Variants in BPIFB4 observed in about 807,000 individuals in gnomAD.
BPIFB4 encodes the protein BPI fold-containing family B member 4.
A neutral mutation model predicts 69.2 loss-of-function variants in BPIFB4; 62 were observed. The observed-to-expected ratio is 0.90, with a 90% CI of 0.73 to 1.11. The LOEUF (loss-of-function observed/expected upper bound fraction) is 1.11. BPIFB4 is among the 50% of genes least tolerant of loss of function. The probability of loss-of-function intolerance (pLI) is 0.00; values close to 1 mark genes in which losing one functional copy is unlikely to be tolerated. For synonymous variants in BPIFB4, 330 were observed against 332.7 expected (o/e 0.99, Z 0.09); for missense variants, 789 against 792.0 (o/e 1.00, Z 0.04).
intron 17 of BPIFB4, 144 bp from the exon 18 acceptor site, chr20:33,111,270 G>T: frequency 9.9e-7 from 1 of 1,006,020 alleles, no homozygotes; most frequent in Non-Finnish European, 1.5e-6. Flanking sequence ...GGTGCTCCTC[G>T]GGCCTGCATG....
At chr20:33,107,214 G>T (rs1306821587) in intron 16 of BPIFB4, among the ~76,000 whole-genome samples, 1 of 118,758 alleles carries the variant, frequency 8.4e-6, no homozygotes, top group Non-Finnish European at 1.9e-5. Flanking sequence ...AAAAAAAAAT[G>T]AAAGAAAGAA....
chr20:33,103,952 A>G (rs1489081468), intron 15 of BPIFB4, among the ~76,000 whole-genome samples: 5 of 152,260 alleles, frequency 3.3e-5, no homozygotes, highest in African/African-American at 1.2e-4. Context: ...TAGGCACTGA[A>G]TTATGCTTTT....
chr20:33,083,451 A>G lies in BPIFB4; in HGVS notation c.254A>G (p.Tyr85Cys). The G allele has an allele frequency of 6.2e-7, 1 of 1,613,806 alleles. No homozygotes were observed. The highest frequency in any genetic ancestry group is 8.5e-7 in the Non-Finnish European group (1 of 1,179,918). ...YTNGKKLDGI[Y>C]QYGHIETNDN... ...AACGGCAAAAAACTTGATGGTATTT[A>G]CCAGTATGGTCACATTGAGACCAAC... is the stretch of plus-strand genomic sequence containing the variant. The change falls in exon 5 of 18, where the codon TAC becomes TGC. Residue 85 changes from tyrosine to cysteine, a missense_variant. Around this residue, in one of 3 missense-constraint regions of BPIFB4, gnomAD observed 611 missense variants for 575.4 expected, o/e 1.06. Coordinates refer to ENST00000375483, the MANE Select transcript of BPIFB4 (RefSeq NM_182519.3).
intron 11 of BPIFB4, 126 bp from the exon 12 acceptor site, chr20:33,094,974 G>T: frequency 1.1e-6 from 1 of 913,420 alleles, no homozygotes; most frequent in Non-Finnish European, 1.8e-6. Flanking sequence ...GGGTCTTTCA[G>T]GGAGAGAAGA....
chr20:33,103,041 C>A, intron 15 of BPIFB4, 27 bp downstream of exon 15: 1 of 1,609,100 alleles, frequency 6.2e-7, no homozygotes, highest in African/African-American at 1.3e-5. Context: ...GTTCCCAGGG[C>A]AAGATCTTCT....
At chr20:33,087,991 C>T (rs933100690) in intron 7 of BPIFB4, among the ~76,000 whole-genome samples, 1 of 152,090 alleles carries the variant, frequency 6.6e-6, no homozygotes, top group Non-Finnish European at 1.5e-5. Context: ...AGGCAGGGTT[C>T]GGTGGCGAGG....
intron 12 of BPIFB4, among the ~76,000 whole-genome samples, chr20:33,097,110 A>G (rs1981777278): frequency 6.6e-6 from 1 of 152,070 alleles, no homozygotes; most frequent in Admixed American, 6.5e-5. Flanking sequence ...TCATTTCAGG[A>G]ACAGTGTTCA....
At position 33,084,944 on chromosome 20, in the gene BPIFB4, G is replaced by T; in HGVS notation, c.730G>T (p.Gly244Cys). ...TCGGGTGTCCGTGCGGCTCCTGCCC[G>T]GCGTGGGTGTCTACCTGAGCTTGTA... ...LPRVSVRLLP[G>C]VGVYLSLYTR... is the part of the protein sequence containing the mutation. The change falls in exon 6 of 18, where the codon GGC becomes TGC. Residue 244 changes from glycine (G) to cysteine (C), a missense_variant. Physicochemically the swap from Gly to Cys is radical, Grantham distance 159. Transcript: ENST00000375483. The T allele has an allele frequency of 6.2e-7, 1 of 1,611,598 alleles. No individual in the cohort carries two copies.
At chr20:33,103,626 C>A (rs1038544435) in intron 15 of BPIFB4, among the ~76,000 whole-genome samples, 3 of 30,188 alleles carry the variant, frequency 9.9e-5, no homozygotes, top group South Asian at 7.6e-4. Context: ...TCCTCCCCAC[C>A]CCCCCACCTC....
chr20:33,083,999 T>G, intron 5 of BPIFB4, 125 bp downstream of exon 5: 1 of 1,198,702 alleles, frequency 8.3e-7, no homozygotes, highest in Non-Finnish European at 1.1e-6. Flanking sequence ...GGGTTTGGCC[T>G]CAGGATTGGA....
intron 15 of BPIFB4, among the ~76,000 whole-genome samples, chr20:33,103,629 C>T (rs897194588): frequency 1.3e-5 from 2 of 152,044 alleles, no homozygotes; most frequent in Non-Finnish European, 2.9e-5. Flanking sequence ...TCCCCACCCC[C>T]CCACCTCCGC....
At chr20:33,107,509 G>A (rs1474981801) in intron 16 of BPIFB4, among the ~76,000 whole-genome samples, 5 of 152,156 alleles carry the variant, frequency 3.3e-5, no homozygotes, top group African/African-American at 1.2e-4. Context: ...GTTGGCATGT[G>A]CCTATAATCC....
At chr20:33,089,395 A>T in intron 8 of BPIFB4, 103 bp from the exon 9 acceptor site, 1 of 1,564,390 alleles carries the variant, frequency 6.4e-7, no homozygotes. Context: ...GGCACAGAGC[A>T]AGCAGTCAGT....
Position 33,089,509 on chromosome 20 carries a change from C to T in BPIFB4, c.1002C>T (p.Ile334=), listed in dbSNP as rs754525384. 5.0e-6 allele frequency: 8 copies of T among 1,614,222 alleles called. No homozygotes were observed. Among genetic ancestry groups the T allele is most frequent in the Admixed American group, 3.3e-5 (2 of 60,030 alleles). Residue 334 remains isoleucine, a synonymous_variant, in exon 9 of 18, where the codon ATC becomes ATT. Transcript: ENST00000375483. ...TTTCTCCCCTGCAGCTCTGCCCCATCGTGGATGTGGTGCTGGGTCTTGTCA... is the reference window on the plus strand; with the variant it reads ...TTTCTCCCCTGCAGCTCTGCCCCATTGTGGATGTGGTGCTGGGTCTTGTCA... ...ADVLPDLLCP[I]VDVVLGLVND... is the part of the protein sequence containing the mutation.
rs1441711145 is a variant in BPIFB4 at position 33,104,823 on chromosome 20, A to G, written c.1694A>G (p.Glu565Gly). ...NVGNFDIGLMEVLVEKIFDLA... is the reference protein window; with the variant it reads ...NVGNFDIGLMGVLVEKIFDLA... Reference sequence around the variant, plus strand: ...CTTCCTCTGCAGATTGGCCTCATGGAGGTGCTGGTGGAGAAGATTTTTGAC... The same window carrying G: ...CTTCCTCTGCAGATTGGCCTCATGGGGGTGCTGGTGGAGAAGATTTTTGAC... Residue 565 changes from glutamate (E) to glycine (G), a missense_variant, in exon 16 of 18, where the codon GAG becomes GGG. Glu to Gly is a moderately conservative substitution (Grantham distance 98). Coordinates refer to ENST00000375483, the MANE Select transcript of BPIFB4 (RefSeq NM_182519.3). The G allele has an allele frequency of 6.2e-7, 1 of 1,614,020 alleles. No homozygotes were observed. The highest frequency in any genetic ancestry group is 2.2e-5 in the East Asian group (1 of 44,882).
chr20:33,083,790 GTGA>G lies in BPIFB4; in HGVS notation c.596_598del (p.Asp199del), dbSNP rs1288779921. The G allele has an allele frequency of 6.2e-7, 1 of 1,613,692 alleles. No individual in the cohort carries two copies. The highest frequency in any genetic ancestry group is 8.5e-7 in the Non-Finnish European group (1 of 1,179,790). ...CTGCTCGGCGGAGGTGGTCTCCTTGGTGATGGAGGACTTCTTGGAGGAGGGGGT... is the reference window on the plus strand; with the variant it reads ...CTGCTCGGCGGAGGTGGTCTCCTTGGTGGAGGACTTCTTGGAGGAGGGGGT... On this transcript the variant is annotated inframe_deletion, in exon 5 of 18. Transcript: ENST00000375483.
rs746291099 is a variant in BPIFB4 at position 33,089,524 on chromosome 20, G to C, written c.1017G>C (p.Leu339=). The part of the protein sequence containing the change: ...DLLCPIVDVV[L]GLVNDQLGLV... Reference sequence around the variant, plus strand: ...TCTGCCCCATCGTGGATGTGGTGCTGGGTCTTGTCAATGACCAGCTGGGCC... The same window carrying C: ...TCTGCCCCATCGTGGATGTGGTGCTCGGTCTTGTCAATGACCAGCTGGGCC... Residue 339 remains leucine (L), a synonymous_variant, in exon 9 of 18, where the codon CTG becomes CTC. Transcript: ENST00000375483. The C allele has an allele frequency of 1.9e-6, 3 of 1,614,244 alleles. No individual in the cohort carries two copies. Among genetic ancestry groups the C allele is most frequent in the Non-Finnish European group, 1.7e-6 (2 of 1,180,042 alleles).
Position 33,103,021 on chromosome 20 carries a change from A to G in BPIFB4, c.1680+7A>G. ...AAACGTGGGCAACTTTGATGTAAGT[A>G]CCATGTTTAGTTCCCAGGGCAAGAT... is the stretch of plus-strand genomic sequence containing the variant. On this transcript the variant is annotated splice_region_variant and intron_variant, in intron 15 of 17. Transcript: ENST00000375483. 1 of 1,613,554 alleles carries G rather than the reference A, an allele frequency of 6.2e-7. No individual in the cohort carries two copies. The highest frequency in any genetic ancestry group is 1.1e-5 in the South Asian group (1 of 91,048).
intron 12 of BPIFB4, among the ~76,000 whole-genome samples, chr20:33,096,067 G>A (rs1218536430): frequency 1.3e-5 from 2 of 152,110 alleles, no homozygotes; most frequent in African/African-American, 4.8e-5. Context: ...GGAATTCAAA[G>A]GCTCTAGGGG....
Sources: gnomAD v4.1 joint callset for allele counts (sites outside exome capture counted in the v4.1 genomes callset) on GRCh38, gnomAD v4.1.1 for gene constraint, gnomAD v4.1.1 regional missense constraint, MANE v1.5 for transcripts, NCBI Gene and HGNC (gene_info 2026-07-23, HGNC 2026-07-21) for gene names.